The following AGBL3 variants were observed in gnomAD, a reference collection of about 807,000 sequenced individuals.
The protein encoded by AGBL3 is cytosolic carboxypeptidase 3.
AGBL3 carries 68 observed loss-of-function variants against 94.5 expected under a neutral mutation model. The observed-to-expected ratio is 0.72, with a 90% CI of 0.59 to 0.88. AGBL3 has a LOEUF of 0.88. AGBL3 is among the 40% of genes least tolerant of loss of function. The pLI, the probability that AGBL3 is intolerant of heterozygous loss-of-function variation, is 0.00. For synonymous variants in AGBL3, 354 were observed against 370.7 expected (o/e 0.95, Z 0.52); for missense variants, 934 against 1,103.8 (o/e 0.85, Z 2.18).
At chr7:135,075,898 A>T (rs1157582860) in intron 12 of AGBL3, among the ~76,000 whole-genome samples, 3 of 152,172 alleles carry the variant, frequency 2.0e-5, no homozygotes, top group South Asian at 2.1e-4. Context: ...CACTACCTTG[A>T]AAAAGGGGTT....
intron 8 of AGBL3, among the ~76,000 whole-genome samples, chr7:135,040,885 C>CACCACACACA (rs60759991): frequency 0.012 from 1,495 of 120,986 alleles, 27 homozygotes; most frequent in African/African-American, 0.04. Flanking sequence ...CACACACACA[C>CACCACACACA]CACACACACA....
intron 16 of AGBL3, 72 bp from the exon 17 acceptor site, chr7:135,134,769 A>G: frequency 2.3e-6 from 3 of 1,317,246 alleles, no homozygotes; most frequent in Non-Finnish European, 3.1e-6. Flanking sequence ...TATTTATACT[A>G]TGACAACATA....
intron 15 of AGBL3, among the ~76,000 whole-genome samples, chr7:135,104,195 G>A (rs544736338): frequency 6.6e-6 from 1 of 152,172 alleles, no homozygotes; most frequent in African/African-American, 2.4e-5. Context: ...GTGCTAGTTT[G>A]CTAAGGTTAA....
intron 13 of AGBL3, among the ~76,000 whole-genome samples, chr7:135,078,159 C>T (rs184575692): frequency 5.3e-5 from 8 of 152,294 alleles, no homozygotes; most frequent in Middle Eastern, 3.4e-3. Context: ...TGCAACTATC[C>T]TTTTGAAGAA....
intron 12 of AGBL3, among the ~76,000 whole-genome samples, chr7:135,065,118 T>C (rs918283029): frequency 3.3e-5 from 5 of 152,228 alleles, no homozygotes; most frequent in African/African-American, 9.6e-5. Flanking sequence ...AAAATGCAGA[T>C]ATTGACATTT....
intron 4 of AGBL3, 39 bp downstream of exon 4, chr7:134,993,717 A>C: frequency 7.1e-7 from 1 of 1,413,466 alleles, no homozygotes; most frequent in East Asian, 2.7e-5. Context: ...GACATTAGCA[A>C]ACTTACTTTG....
intron 15 of AGBL3, among the ~76,000 whole-genome samples, chr7:135,082,351 G>GTCA (rs1201937068): frequency 6.6e-6 from 1 of 151,998 alleles, no homozygotes; most frequent in Non-Finnish European, 1.5e-5. Flanking sequence ...TTAAAAAGCT[G>GTCA]TCATTTATTT....
intron 16 of AGBL3, among the ~76,000 whole-genome samples, chr7:135,118,645 G>C (rs532153407): frequency 6.6e-6 from 1 of 152,210 alleles, no homozygotes; most frequent in South Asian, 2.1e-4. Context: ...CCAAGAACCA[G>C]GAAGATCTAA....
intron 15 of AGBL3, among the ~76,000 whole-genome samples, chr7:135,083,428 C>A (rs1821081572): frequency 1.3e-5 from 2 of 152,186 alleles, no homozygotes; most frequent in Middle Eastern, 3.4e-3. Flanking sequence ...ATTTTAATTT[C>A]TTTTTACATT....
intron 14 of AGBL3, among the ~76,000 whole-genome samples, chr7:135,080,796 T>G (rs1225674907): frequency 6.6e-6 from 1 of 151,278 alleles, no homozygotes; most frequent in East Asian, 1.9e-4. Flanking sequence ...TGAGGTCCTT[T>G]GGCAGGGGGA....
intron 15 of AGBL3, chr7:135,101,190 G>A (rs368289894): frequency 4.4e-6 from 2 of 456,026 alleles, no homozygotes; most frequent in South Asian, 1.5e-5. Context: ...TGATTTGTAT[G>A]GAAACTGTTT....
chr7:135,032,699 A>T, intron 5 of AGBL3, 145 bp from the exon 6 acceptor site: 1 of 629,694 alleles, frequency 1.6e-6, no homozygotes, highest in Non-Finnish European at 2.4e-6. Flanking sequence ...AGATTCTCTT[A>T]TTTCAACATG....
At chr7:135,074,429 CAGA>C (rs773054479) in intron 12 of AGBL3, among the ~76,000 whole-genome samples, 4 of 152,064 alleles carry the variant, frequency 2.6e-5, no homozygotes, top group Non-Finnish European at 4.4e-5. Flanking sequence ...AGACAGTTGC[CAGA>C]AGAAGAGGGA....
rs909426054 is a variant in AGBL3 at position 135,039,002 on chromosome 7, G to A, written c.1500+1422G>A. Among the ~76,000 whole-genome samples the A allele has an allele frequency of 5.3e-5, 8 of 151,954 alleles. No individual in the cohort carries two copies. In the East Asian group the frequency reaches 1.4e-3, roughly 26 times the overall value. ...TTTGTGAAAATCCACAATTATAGTT[G>A]GAGATTTTAAATACCTCTTACATTA... On this transcript the variant is annotated intron_variant, in intron 8 of 16. Coordinates refer to ENST00000436302, the MANE Select transcript of AGBL3 (RefSeq NM_178563.4).
chr7:135,135,469 A>C lies in AGBL3; in HGVS notation c.*208A>C. ...AAAAGAAATCCAGAGAAAATATGGA[A>C]AAATATTAAAGCAGATATTTATATT... On this transcript the variant is annotated 3_prime_UTR_variant, in exon 17 of 17. Transcript: ENST00000436302. 2.6e-6 allele frequency: 1 copy of C among 384,854 alleles called. No individual in the cohort carries two copies. Among genetic ancestry groups the C allele is most frequent in the Non-Finnish European group, 4.6e-6 (1 of 219,630 alleles). The allele number at this position is 384,854 out of a possible 1,614,324, so 23.8% of individuals were successfully genotyped here. A position where few individuals can be genotyped will look rare whatever the true frequency, so the allele number is the denominator to read the frequency against.
intron 15 of AGBL3, among the ~76,000 whole-genome samples, chr7:135,085,988 A>G (rs1173091619): frequency 1.3e-5 from 2 of 151,568 alleles, no homozygotes; most frequent in Non-Finnish European, 1.5e-5. Context: ...TGAGATGTCT[A>G]TTTGTATCCT....
At chr7:134,993,055 A>C (rs1054485691) in intron 3 of AGBL3, among the ~76,000 whole-genome samples, 1 of 152,244 alleles carries the variant, frequency 6.6e-6, no homozygotes, top group Non-Finnish European at 1.5e-5. Flanking sequence ...TGTATCACAC[A>C]GTAGCTCTAG....
intron 15 of AGBL3, among the ~76,000 whole-genome samples, chr7:135,088,352 T>C (rs1821498242): frequency 6.6e-6 from 1 of 152,164 alleles, no homozygotes; most frequent in African/African-American, 2.4e-5. Flanking sequence ...TGTTGTTTTC[T>C]GGTTGTTTTG....
In AGBL3 at chr7:134,993,496, A is replaced by G; in HGVS notation, c.128A>G (p.Asp43Gly). 1 of 1,534,744 alleles carries G rather than the reference A, an allele frequency of 6.5e-7. No individual in the cohort carries two copies. The highest frequency in any genetic ancestry group is 8.8e-7 in the Non-Finnish European group (1 of 1,139,160). ...TGTGTTTGAATCTTTTTCTCAGCTG[A>G]CTCTTTTGGTGATCCCTTCTTCCCC... ...DLHRCALLTA[D>G]SFGDPFFPRT... Residue 43 changes from aspartate (D) to glycine (G), a missense_variant, in exon 4 of 17, where the codon GAC (aspartate) becomes GGC (glycine). By Grantham distance (94) the Asp-to-Gly change is moderately conservative (BLOSUM62 -1). Around this residue, in one of 3 missense-constraint regions of AGBL3, gnomAD observed 488 missense variants for 563.6 expected, o/e 0.87. Coordinates refer to ENST00000436302, the MANE Select transcript of AGBL3 (RefSeq NM_178563.4).
Sources: allele counts gnomAD v4.1 joint callset (sites outside exome capture counted in the v4.1 genomes callset), GRCh38; gene constraint gnomAD v4.1.1; regional missense constraint gnomAD v4.1.1; transcripts MANE v1.5; gene names NCBI Gene and HGNC (gene_info 2026-07-23, HGNC 2026-07-21).